CSMD1: variants seen among roughly 807,000 people sequenced by gnomAD.
CSMD1 encodes the protein CUB and Sushi multiple domains 1.
CSMD1 carries 213 observed loss-of-function variants against 417.5 expected under a neutral mutation model. That is an observed-to-expected ratio of 0.51 (90% CI 0.46 to 0.57). The LOEUF (loss-of-function observed/expected upper bound fraction) is 0.57. CSMD1 is among the 20% of genes least tolerant of loss of function. The pLI is 0.00. For synonymous variants in CSMD1, 2,862 were observed against 1,736.8 expected, an observed-to-expected ratio of 1.65 and a Z score of -16.11; for missense variants, 6,923 against 4,529.7, an observed-to-expected ratio of 1.53 and a Z score of -15.17.
intron 48 of CSMD1, among the ~76,000 whole-genome samples, chr8:3,087,922 G>A (rs549685500): frequency 1.3e-5 from 2 of 152,212 alleles, no homozygotes; most frequent in Admixed American, 6.5e-5. Flanking sequence ...TGTTAAAACA[G>A]AGAAAGTAGA....
chr8:4,601,572 A>T (rs1800586583), intron 2 of CSMD1, among the ~76,000 whole-genome samples: 2 of 152,182 alleles, frequency 1.3e-5, no homozygotes, highest in South Asian at 4.1e-4. Flanking sequence ...TAAGAATTGA[A>T]TACTTTAGTA....
At chr8:3,798,075 T>G (rs1017275547) in intron 5 of CSMD1, among the ~76,000 whole-genome samples, 9 of 151,994 alleles carry the variant, frequency 5.9e-5, no homozygotes. Context: ...ATTGAAGTAT[T>G]GTGATGATTG....
chr8:4,387,415 A>T (rs1803523412), intron 3 of CSMD1, among the ~76,000 whole-genome samples: 2 of 151,982 alleles, frequency 1.3e-5, no homozygotes, highest in Non-Finnish European at 2.9e-5. Flanking sequence ...AGAATTAAGT[A>T]ATGACTCAAA....
At chr8:3,362,875 G>A (rs1809289857) in intron 20 of CSMD1, among the ~76,000 whole-genome samples, 1 of 152,134 alleles carries the variant, frequency 6.6e-6, no homozygotes, top group Non-Finnish European at 1.5e-5. Flanking sequence ...CTCTTGCTGG[G>A]ATTATTGTGT....
At chr8:3,574,762 G>T (rs115542066) in intron 10 of CSMD1, among the ~76,000 whole-genome samples, 183 bp downstream of exon 10, 4 of 152,224 alleles carry the variant, frequency 2.6e-5, no homozygotes, top group African/African-American at 9.6e-5. Flanking sequence ...TACTCACTTT[G>T]CATCTGAATC....
chr8:3,459,780 T>G (rs1248927056), intron 12 of CSMD1, among the ~76,000 whole-genome samples: 1 of 152,050 alleles, frequency 6.6e-6, no homozygotes, highest in Non-Finnish European at 1.5e-5. Context: ...GGTCCAGGAA[T>G]CAGAGCAGCA....
chr8:4,795,161 T>C (rs1341740660), intron 1 of CSMD1, among the ~76,000 whole-genome samples: 5 of 150,690 alleles, frequency 3.3e-5, no homozygotes, highest in East Asian at 2.0e-4. Context: ...TCTAAGAATG[T>C]AGTAGCCACA....
intron 25 of CSMD1, among the ~76,000 whole-genome samples, chr8:3,293,123 ATTCT>A (rs1317232630): frequency 3.5e-5 from 5 of 143,736 alleles, no homozygotes; most frequent in East Asian, 2.0e-4. Context: ...TGGGTTGAAA[ATTCT>A]TTCTTTTAAG....
In CSMD1 at chr8:2,941,173, T is replaced by C. The variant is rs532396593; in HGVS notation, c.10535+1299A>G. On this transcript the variant is annotated intron_variant, in intron 69 of 69. Transcript: ENST00000635120. ...TAAATATCATCTGAAATGTTTTTCA[T>C]TGAGTCATATTCTTAAAGAAAGAAC... 7.2e-5 allele frequency among the ~76,000 whole-genome samples: 11 copies of C among 152,294 alleles called. No homozygotes were observed. The South Asian group carries it at 1.9e-3, about 26-fold the overall frequency.
intron 5 of CSMD1, among the ~76,000 whole-genome samples, chr8:3,856,656 C>T (rs1356753859): frequency 3.3e-5 from 5 of 152,134 alleles, no homozygotes. Flanking sequence ...CGTTTGCACC[C>T]CAGGGAACTC....
At chr8:4,209,625 C>T (rs934641106) in intron 3 of CSMD1, among the ~76,000 whole-genome samples, 2 of 152,130 alleles carry the variant, frequency 1.3e-5, no homozygotes, top group African/African-American at 4.8e-5. Flanking sequence ...GACAAGCCCC[C>T]GAATTGGGGC....
chr8:4,653,075 A>T (rs1013259221), intron 1 of CSMD1, among the ~76,000 whole-genome samples: 2 of 152,102 alleles, frequency 1.3e-5, no homozygotes, highest in Admixed American at 1.3e-4. Flanking sequence ...CCCGCTCTAG[A>T]GGATGTGTTT....
intron 49 of CSMD1, among the ~76,000 whole-genome samples, chr8:3,063,534 G>A (rs1295985415): frequency 2.0e-5 from 3 of 152,252 alleles, no homozygotes; most frequent in Admixed American, 6.5e-5. Flanking sequence ...GTACAGTTAT[G>A]TCCCTAGTAG....
intron 5 of CSMD1, among the ~76,000 whole-genome samples, chr8:3,817,184 C>G (rs1264086053): frequency 1.3e-5 from 2 of 149,738 alleles, no homozygotes; most frequent in Non-Finnish European, 3.0e-5. Flanking sequence ...TCCCCCTCCC[C>G]AATGAAAATG....
intron 3 of CSMD1, among the ~76,000 whole-genome samples, chr8:4,079,626 G>C (rs983142790): frequency 3.9e-5 from 6 of 152,178 alleles, no homozygotes; most frequent in Non-Finnish European, 8.8e-5. Context: ...TGGAGAATTA[G>C]CTAAATTGAT....
At chr8:4,332,843 T>C (rs1015701708) in intron 3 of CSMD1, among the ~76,000 whole-genome samples, 2 of 150,822 alleles carry the variant, frequency 1.3e-5, no homozygotes, top group Non-Finnish European at 3.0e-5. Flanking sequence ...GCTGATGAAA[T>C]GTTTTTTCCC....
intron 54 of CSMD1, among the ~76,000 whole-genome samples, chr8:2,979,745 T>C (rs1185840786): frequency 1.3e-5 from 2 of 152,238 alleles, no homozygotes; most frequent in East Asian, 1.9e-4. Flanking sequence ...TGTTCCCTTT[T>C]AGTGCAGTAG....
intron 1 of CSMD1, among the ~76,000 whole-genome samples, chr8:4,791,844 T>A (rs148337657): frequency 6.6e-6 from 1 of 152,162 alleles, no homozygotes; most frequent in South Asian, 2.1e-4. Flanking sequence ...CCAACAGATA[T>A]ACTTTTTTTC....
chr8:4,435,142 A>C (rs1262678148), intron 2 of CSMD1, among the ~76,000 whole-genome samples: 3 of 152,216 alleles, frequency 2.0e-5, no homozygotes, highest in Admixed American at 2.0e-4. Context: ...AAGTATCAGT[A>C]ATATATTATT....
Sources: gnomAD v4.1 joint callset for allele counts (sites outside exome capture counted in the v4.1 genomes callset) on GRCh38, gnomAD v4.1.1 for gene constraint, MANE v1.5 for transcripts, NCBI Gene and HGNC (gene_info 2026-07-23, HGNC 2026-07-21) for gene names.